Variants in SPAG16 observed in about 807,000 individuals in gnomAD.
SPAG16 encodes the protein sperm-associated antigen 16 protein.
SPAG16 carries 86 observed loss-of-function variants against 80.4 expected under a neutral mutation model. That is an observed-to-expected ratio of 1.07 (90% CI 0.90 to 1.28). The LOEUF (loss-of-function observed/expected upper bound fraction) is 1.28, where lower values mean the gene tolerates loss of function less well. SPAG16 is among the 50% of genes most tolerant of loss of function. The pLI is 0.00. For missense variants in SPAG16, 870 were observed against 765.3 expected, an observed-to-expected ratio of 1.14 and a Z score of -1.61; for synonymous variants, 294 against 265.9, an observed-to-expected ratio of 1.11 and a Z score of -1.03.
intron 15 of SPAG16, among the ~76,000 whole-genome samples, chr2:214,327,314 C>A (rs919477179): frequency 1.3e-5 from 2 of 152,156 alleles, no homozygotes; most frequent in African/African-American, 4.8e-5. Flanking sequence ...AGAAGACAGA[C>A]AAGGATTTGA....
intron 9 of SPAG16, among the ~76,000 whole-genome samples, chr2:213,460,308 TG>T (rs1188739107): frequency 1.1e-4 from 16 of 152,224 alleles, no homozygotes; most frequent in Non-Finnish European, 1.5e-4. Flanking sequence ...CCATTCTCTG[TG>T]TGCAACACTG....
At chr2:213,582,053 C>T (rs551883505) in intron 10 of SPAG16, among the ~76,000 whole-genome samples, 2 of 151,982 alleles carry the variant, frequency 1.3e-5, no homozygotes, top group East Asian at 3.9e-4. Context: ...CCTTAAATGT[C>T]CTGATGCAAT....
intron 12 of SPAG16, among the ~76,000 whole-genome samples, chr2:213,934,686 A>C (rs370150930): frequency 2.6e-5 from 4 of 152,362 alleles, no homozygotes; most frequent in East Asian, 3.9e-4. Context: ...TGTCTGCATC[A>C]CTAAGTTCTA....
chr2:213,349,449 A>T (rs571183937), intron 6 of SPAG16, among the ~76,000 whole-genome samples: 2 of 152,162 alleles, frequency 1.3e-5, no homozygotes, highest in Non-Finnish European at 2.9e-5. Flanking sequence ...GACTGATATC[A>T]CCAGAGGCTG....
At chr2:213,603,735 A>G (rs2061152441) in intron 10 of SPAG16, among the ~76,000 whole-genome samples, 1 of 152,232 alleles carries the variant, frequency 6.6e-6, no homozygotes, top group Non-Finnish European at 1.5e-5. Flanking sequence ...TATGATGTAT[A>G]GAATAAAATC....
At chr2:213,355,975 T>C (rs1164460343) in intron 7 of SPAG16, among the ~76,000 whole-genome samples, 1 of 152,224 alleles carries the variant, frequency 6.6e-6, no homozygotes, top group Non-Finnish European at 1.5e-5. Context: ...CTTCCAGTTT[T>C]TGCCCATTCA....
intron 2 of SPAG16, chr2:213,296,889 C>T (rs990950571): frequency 8.9e-6 from 3 of 337,526 alleles, no homozygotes; most frequent in South Asian, 2.6e-5. Context: ...TTTTAATAAA[C>T]GAGAGATTTT....
chr2:213,337,946 GA>G (rs1201630088), intron 5 of SPAG16, among the ~76,000 whole-genome samples: 7 of 151,986 alleles, frequency 4.6e-5, no homozygotes, highest in Non-Finnish European at 1.0e-4. Flanking sequence ...TGAAATAAAG[GA>G]AAAAATGTTA....
intron 15 of SPAG16, among the ~76,000 whole-genome samples, chr2:214,323,229 G>C (rs1273424709): frequency 6.6e-6 from 1 of 152,044 alleles, no homozygotes; most frequent in Non-Finnish European, 1.5e-5. Flanking sequence ...CCTCCGCTGA[G>C]CTTCAGATTG....
At chr2:213,507,449 AAC>A (rs2075011033) in intron 10 of SPAG16, among the ~76,000 whole-genome samples, 1 of 152,230 alleles carries the variant, frequency 6.6e-6, no homozygotes, top group Admixed American at 6.5e-5. Context: ...AACAAAAGAA[AAC>A]ACATCTCATG....
intron 15 of SPAG16, among the ~76,000 whole-genome samples, chr2:214,261,747 TATATG>T (rs2125873631): frequency 6.6e-6 from 1 of 152,320 alleles, no homozygotes; most frequent in East Asian, 1.9e-4. Flanking sequence ...GAAGTGTAAA[TATATG>T]TATATACCTG....
At chr2:213,487,589 G>A (rs550385942) in intron 9 of SPAG16, among the ~76,000 whole-genome samples, 2 of 151,840 alleles carry the variant, frequency 1.3e-5, no homozygotes, top group Admixed American at 1.3e-4. Context: ...GGGTTTTGCC[G>A]CTCTCGATGT....
intron 14 of SPAG16, among the ~76,000 whole-genome samples, chr2:214,114,976 G>C (rs1487241130): frequency 6.6e-6 from 1 of 152,118 alleles, no homozygotes; most frequent in Non-Finnish European, 1.5e-5. Context: ...TGCACACTTT[G>C]TTCATACCAA....
In SPAG16 at chr2:214,072,466, A is replaced by G. The variant is rs530797751; in HGVS notation, c.1528-35730A>G. On this transcript the variant is annotated intron_variant, in intron 13 of 15. Coordinates refer to ENST00000331683, the MANE Select transcript of SPAG16 (RefSeq NM_024532.5). ...ACAATCCCACCCACCTTGAGTACAA[A>G]TCATTTTCAAAATATTGTTTGTCAG... Among the ~76,000 whole-genome samples the G allele has an allele frequency of 3.9e-5, 6 of 152,238 alleles. No individual in the cohort carries two copies. The South Asian group carries it at 1.2e-3, about 32-fold the overall frequency.
At chr2:213,631,676 G>A (rs918024275) in intron 10 of SPAG16, among the ~76,000 whole-genome samples, 1 of 152,110 alleles carries the variant, frequency 6.6e-6, no homozygotes, top group Admixed American at 6.5e-5. Flanking sequence ...TGAAAGATAG[G>A]GGACTAGTTT....
At chr2:213,344,907 C>G (rs144965557) in intron 6 of SPAG16, among the ~76,000 whole-genome samples, 6,074 of 151,560 alleles carry the variant, frequency 0.04, 388 homozygotes, top group African/African-American at 0.13. Context: ...GTAATGGGAT[C>G]GCTGGGTCAA....
chr2:213,821,796 G>A (rs553802413), intron 10 of SPAG16, among the ~76,000 whole-genome samples: 137 of 152,296 alleles, frequency 9.0e-4, no homozygotes, highest in South Asian at 7.5e-3. Flanking sequence ...AAATAAGTGA[G>A]AATGTAAGAA....
At chr2:214,203,742 C>A (rs749623646) in intron 15 of SPAG16, among the ~76,000 whole-genome samples, 15 of 152,146 alleles carry the variant, frequency 9.9e-5, no homozygotes, top group Non-Finnish European at 2.2e-4. Flanking sequence ...ACCAGAGGAA[C>A]TGGAAAAAGA....
intron 15 of SPAG16, among the ~76,000 whole-genome samples, chr2:214,404,963 A>G (rs534531730): frequency 6.6e-6 from 1 of 152,278 alleles, no homozygotes; most frequent in Non-Finnish European, 1.5e-5. Context: ...GAACATGAGT[A>G]TTTTAGTTTC....
Sources: gnomAD v4.1 joint callset for allele counts (sites outside exome capture counted in the v4.1 genomes callset) on GRCh38, gnomAD v4.1.1 for gene constraint, MANE v1.5 for transcripts, NCBI Gene and HGNC (gene_info 2026-07-23, HGNC 2026-07-21) for gene names.